Variants in NRXN3 observed in about 807,000 individuals in gnomAD.
NRXN3 encodes neurexin 3.
Under a neutral mutation model 137.6 loss-of-function variants are expected in NRXN3, and 32 were observed. That is an observed-to-expected ratio of 0.23 (90% CI 0.18 to 0.31). The LOEUF (loss-of-function observed/expected upper bound fraction) is 0.31. Ranked by LOEUF, NRXN3 falls within the 10% of genes least tolerant of loss-of-function variation. The pLI, the probability that NRXN3 is intolerant of heterozygous loss-of-function variation, is 1.00. For synonymous variants in NRXN3, 798 were observed against 784.5 expected (o/e 1.02, Z -0.29); for missense variants, 1,574 against 2,062.5 (o/e 0.76, Z 4.59).
At chr14:79,856,607 GT>G (rs757820262) in intron 20 of NRXN3, among the ~76,000 whole-genome samples, 1 of 123,862 alleles carries the variant, frequency 8.1e-6, no homozygotes, top group Non-Finnish European at 1.6e-5. Context: ...CTTCATGCTT[GT>G]TTTTTTGTTC....
intron 16 of NRXN3, among the ~76,000 whole-genome samples, chr14:79,538,977 C>G (rs768109320): frequency 5.3e-5 from 8 of 152,160 alleles, no homozygotes; most frequent in African/African-American, 9.7e-5. Flanking sequence ...CCCTATTTTA[C>G]AGTTGATGAA....
At chr14:78,646,582 G>A (rs546366854) in intron 5 of NRXN3, among the ~76,000 whole-genome samples, 1 of 152,240 alleles carries the variant, frequency 6.6e-6, no homozygotes, top group African/African-American at 2.4e-5. Flanking sequence ...AACTCCTTAC[G>A]AATACTAAAC....
Position 79,769,899 on chromosome 14 carries a change from C to T in NRXN3, c.4015-35213C>T, listed in dbSNP as rs568291743. ...AACCCATCTCACATGCAGAGACACA[C>T]ATAGGCTCAAAATAAAAGGATGGAG... is the stretch of plus-strand genomic sequence containing the variant. On this transcript the variant is annotated intron_variant, in intron 19 of 20. Transcript: ENST00000335750. Among the ~76,000 whole-genome samples the T allele has an allele frequency of 1.4e-4, 21 of 152,212 alleles. No individual in the cohort carries two copies. The East Asian group carries it at 2.9e-3, about 21-fold the overall frequency.
intron 7 of NRXN3, among the ~76,000 whole-genome samples, chr14:78,711,304 C>A (rs1006422072): frequency 6.6e-6 from 1 of 151,780 alleles, no homozygotes; most frequent in African/African-American, 2.4e-5. Context: ...TTCTTTCAAA[C>A]AATTTTGAAC....
intron 15 of NRXN3, among the ~76,000 whole-genome samples, chr14:79,295,982 C>T (rs1268670356): frequency 1.3e-5 from 2 of 152,182 alleles, no homozygotes; most frequent in Non-Finnish European, 2.9e-5. Flanking sequence ...GTGTCAGACT[C>T]TTAAACATAC....
chr14:78,224,772 T>TTTTTTG (rs2064303360), intron 1 of NRXN3, among the ~76,000 whole-genome samples: 1 of 136,170 alleles, frequency 7.3e-6, no homozygotes, highest in East Asian at 2.1e-4. Context: ...TTTTTTTTTT[T>TTTTTTG]TTTTTGAGAC....
In NRXN3 at chr14:79,258,856, G is replaced by A. The variant is rs544259468; in HGVS notation, c.3263-208365G>A. Among the ~76,000 whole-genome samples, 97 of 152,296 alleles carry A rather than the reference G, an allele frequency of 6.4e-4. 1 individual carries two copies. The highest frequency in any genetic ancestry group is 2.0e-3 in the African/African-American group (84 of 41,562). Reference sequence around the variant, plus strand: ...ATAGGCAGAGAAAAGAAGGGTATGTGATTAAGTGAAGGTAGCATTTCTAGA... The same window carrying A: ...ATAGGCAGAGAAAAGAAGGGTATGTAATTAAGTGAAGGTAGCATTTCTAGA... On this transcript the variant is annotated intron_variant, in intron 15 of 20. Transcript: ENST00000335750.
intron 15 of NRXN3, among the ~76,000 whole-genome samples, chr14:79,442,849 C>T (rs186856387): frequency 6.0e-4 from 91 of 152,316 alleles, no homozygotes; most frequent in Admixed American, 5.6e-3. Flanking sequence ...ACACCCTAGA[C>T]GTTCAACTGT....
chr14:79,320,292 A>G (rs570845914), intron 15 of NRXN3, among the ~76,000 whole-genome samples: 13 of 152,324 alleles, frequency 8.5e-5, no homozygotes, highest in African/African-American at 3.1e-4. Context: ...TCTTGCAGGA[A>G]ATGCTATCAG....
chr14:78,966,936 G>A (rs1567846334), intron 12 of NRXN3, among the ~76,000 whole-genome samples: 1 of 152,276 alleles, frequency 6.6e-6, no homozygotes, highest in East Asian at 1.9e-4. Flanking sequence ...ACCCCCTTAT[G>A]TTTTGTAGTG....
chr14:79,127,698 T>C (rs1163036053), intron 15 of NRXN3, among the ~76,000 whole-genome samples: 1 of 152,162 alleles, frequency 6.6e-6, no homozygotes, highest in Non-Finnish European at 1.5e-5. Flanking sequence ...AGTAGTTTTT[T>C]CCAATTCTGT....
chr14:79,308,170 G>A (rs2086463623), intron 15 of NRXN3, among the ~76,000 whole-genome samples: 1 of 149,800 alleles, frequency 6.7e-6, no homozygotes, highest in African/African-American at 2.4e-5. Context: ...AGGGGTGTTA[G>A]GACTTAGGGG....
At chr14:79,790,856 T>C (rs978202013) in intron 19 of NRXN3, among the ~76,000 whole-genome samples, 12 of 151,942 alleles carry the variant, frequency 7.9e-5, no homozygotes, top group Non-Finnish European at 1.2e-4. Context: ...CCTGACCTCA[T>C]GATCCACCCG....
At chr14:78,386,452 G>A (rs1181383310) in intron 4 of NRXN3, among the ~76,000 whole-genome samples, 1 of 152,172 alleles carries the variant, frequency 6.6e-6, no homozygotes, top group African/African-American at 2.4e-5. Context: ...GAAGGTGGAA[G>A]AGTGTCGCTT....
intron 8 of NRXN3, among the ~76,000 whole-genome samples, chr14:78,788,308 C>A (rs1595868655): frequency 6.6e-6 from 1 of 152,080 alleles, no homozygotes; most frequent in Admixed American, 6.6e-5. Context: ...TGGATATTTT[C>A]ACATTCATAC....
chr14:79,266,300 T>C (rs1218252786), intron 15 of NRXN3, among the ~76,000 whole-genome samples: 2 of 152,058 alleles, frequency 1.3e-5, no homozygotes, highest in African/African-American at 4.8e-5. Context: ...GAAACAAAAG[T>C]ATGATTTTTT....
chr14:79,030,443 A>G (rs895004797), intron 15 of NRXN3, among the ~76,000 whole-genome samples: 1 of 151,916 alleles, frequency 6.6e-6, no homozygotes, highest in African/African-American at 2.4e-5. Flanking sequence ...ACCTGCTCAC[A>G]AACCCCTCCT....
intron 16 of NRXN3, among the ~76,000 whole-genome samples, chr14:79,477,994 C>A (rs1274659529): frequency 2.0e-5 from 3 of 151,538 alleles, no homozygotes; most frequent in Non-Finnish European, 4.4e-5. Context: ...CATCCAAGAG[C>A]CAGGCTATTG....
chr14:78,479,670 C>T (rs2095439812), intron 4 of NRXN3, among the ~76,000 whole-genome samples: 1 of 152,100 alleles, frequency 6.6e-6, no homozygotes, highest in Admixed American at 6.6e-5. Flanking sequence ...CGCTAGTGAA[C>T]TATGGTGGAG....
Sources: gnomAD v4.1 joint callset for allele counts (sites outside exome capture counted in the v4.1 genomes callset) on GRCh38, gnomAD v4.1.1 for gene constraint, MANE v1.5 for transcripts, NCBI Gene and HGNC (gene_info 2026-07-23, HGNC 2026-07-21) for gene names.